The following VPS35L variants were observed in gnomAD, a reference collection of about 807,000 sequenced individuals.
VPS35L encodes the protein VPS35 endosomal protein sorting factor like, also known as VPS35 endosomal protein-sorting factor-like.
VPS35L carries 83 observed loss-of-function variants against 133.0 expected under a neutral mutation model. The ratio of observed to expected loss-of-function variants is 0.62; its 90% confidence interval spans 0.52 to 0.75. The LOEUF is 0.75. VPS35L is among the 30% of genes least tolerant of loss of function. The pLI, the probability that VPS35L is intolerant of heterozygous loss-of-function variation, is 0.00. For missense variants in VPS35L, 1,083 were observed against 1,206.8 expected (o/e 0.90, Z 1.52); for synonymous variants, 423 against 449.9 (o/e 0.94, Z 0.76).
At chr16:19,689,123 C>T (rs1199972736) in intron 28 of VPS35L, among the ~76,000 whole-genome samples, 2 of 150,498 alleles carry the variant, frequency 1.3e-5, no homozygotes, top group Non-Finnish European at 2.9e-5. Flanking sequence ...GGACTACAGG[C>T]GCGTGCCACC....
In VPS35L at chr16:19,639,952, C is replaced by T. The variant is rs2304618; in HGVS notation, c.1699-63C>T. On this transcript the variant is annotated intron_variant, in intron 20 of 30. Coordinates refer to ENST00000417362, the MANE Select transcript of VPS35L (RefSeq NM_020314.7). The surrounding 1 kb of genome is among the most constrained non-coding windows in gnomAD (Gnocchi z 4.1). The stretch of plus-strand genomic sequence containing the variant: ...TTTGAACTCCACAGAAAAAGAGACC[C>T]ACAGATTCCTTCCTTCCAATAACTT... 0.064 allele frequency: 90,125 copies of T among 1,413,934 alleles called. 4,515 individuals carry two copies. Among genetic ancestry groups the T allele is most frequent in the East Asian group, 0.26 (11,301 of 43,712 alleles). 87.6% of individuals were successfully genotyped at this position (1,413,934 alleles called of 1,614,324 possible).
intron 1 of VPS35L, among the ~76,000 whole-genome samples, chr16:19,559,294 C>G (rs1726406105): frequency 6.6e-6 from 1 of 152,114 alleles, no homozygotes; most frequent in Admixed American, 6.6e-5. Context: ...GTATTTCAGC[C>G]CGCCCAGGTG....
intron 29 of VPS35L, among the ~76,000 whole-genome samples, chr16:19,697,783 G>C (rs28415871): frequency 0.34 from 52,162 of 152,082 alleles, 13,965 homozygotes; most frequent in African/African-American, 0.75. Context: ...CCCTTTCTGA[G>C]TGCGATTCCT....
intron 29 of VPS35L, chr16:19,694,500 T>TTC (rs1975832574): frequency 6.6e-6 from 1 of 152,074 alleles, no homozygotes; most frequent in African/African-American, 2.4e-5. Flanking sequence ...TTTTTTTTTT[T>TTC]TCTTCCAGAG....
chr16:19,599,685 T>A (rs1359844834), intron 8 of VPS35L, among the ~76,000 whole-genome samples: 7 of 152,070 alleles, frequency 4.6e-5, no homozygotes, highest in Admixed American at 4.6e-4. Flanking sequence ...TCTTTTCCAG[T>A]AGCTCTAAGG....
Position 19,634,435 on chromosome 16 carries a change from A to C in VPS35L, c.1635+1263A>C, listed in dbSNP as rs796860269. ...ACGGTCTCAAAAAAAAAAAAAAAAA[A>C]CCCACTAATGTGAAATACCCATGTG... On this transcript the variant is annotated intron_variant, in intron 19 of 30. Transcript: ENST00000417362. Among the ~76,000 whole-genome samples the C allele has an allele frequency of 5.9e-4, 84 of 142,374 alleles. 1 individual carries two copies. In the East Asian group the frequency reaches 0.01, roughly 18 times the overall value. 93.4% of individuals were successfully genotyped at this position (142,374 alleles called of 152,430 possible).
At chr16:19,570,836 T>C (rs548494002) in intron 3 of VPS35L, among the ~76,000 whole-genome samples, 53 of 1,866 alleles carry the variant, frequency 0.028, no homozygotes, top group African/African-American at 0.27. Context: ...CTGTGTTTCA[T>C]ATATATATAT....
At chr16:19,637,768 C>T (rs1389096231) in intron 20 of VPS35L, 112 bp downstream of exon 20, 7 of 712,544 alleles carry the variant, frequency 9.8e-6, no homozygotes, top group South Asian at 2.3e-5. Context: ...TCAGCAGTTC[C>T]TTTTATAAAG....
chr16:19,698,136 T>C (rs1399153744), intron 29 of VPS35L, among the ~76,000 whole-genome samples: 2 of 152,172 alleles, frequency 1.3e-5, no homozygotes, highest in African/African-American at 4.8e-5. Context: ...CTGGCTGGGC[T>C]CTTATCAGGA....
intron 12 of VPS35L, among the ~76,000 whole-genome samples, chr16:19,613,967 T>C (rs956552120): frequency 6.6e-6 from 1 of 152,186 alleles, no homozygotes; most frequent in Non-Finnish European, 1.5e-5. Context: ...CAAGCAGATA[T>C]CCAAGCTGCT....
At chr16:19,645,024 G>GTTAAA (rs1313983541) in intron 23 of VPS35L, 75 bp downstream of exon 23, 2 of 1,041,842 alleles carry the variant, frequency 1.9e-6, no homozygotes, top group African/African-American at 3.2e-5. Context: ...GGCGAAAGCA[G>GTTAAA]TTAACATTAT....
At chr16:19,700,324 G>C (rs1237065945) in intron 30 of VPS35L, 54 bp from the exon 31 acceptor site, 12 of 1,483,838 alleles carry the variant, frequency 8.1e-6, no homozygotes, top group Non-Finnish European at 1.1e-5. Flanking sequence ...TTAGAGCCTT[G>C]GGCTCCAAGG....
At chr16:19,634,412 G>A (rs1157309962) in intron 19 of VPS35L, among the ~76,000 whole-genome samples, 16 of 127,422 alleles carry the variant, frequency 1.3e-4, no homozygotes, top group Non-Finnish European at 2.3e-4. Flanking sequence ...AGAGAGACAC[G>A]GTCTCAAAAA....
chr16:19,639,022 C>T lies in VPS35L; in HGVS notation c.1699-993C>T, dbSNP rs887890055. The stretch of plus-strand genomic sequence containing the variant: ...TGGGGAGGCTGAGGTTGCAGTGAAC[C>T]GAGATTGCACCAGGGCACTCGAGCC... On this transcript the variant is annotated intron_variant, in intron 20 of 30. Coordinates refer to ENST00000417362, the MANE Select transcript of VPS35L (RefSeq NM_020314.7). This position sits in a 1 kb window ranked among gnomAD's most constrained non-coding sequence, Gnocchi z 4.1. 1.3e-5 allele frequency among the ~76,000 whole-genome samples: 2 copies of T among 152,006 alleles called. No individual in the cohort carries two copies. Among genetic ancestry groups the T allele is most frequent in the Admixed American group, 1.3e-4 (2 of 15,262 alleles).
In VPS35L at chr16:19,639,537, T is replaced by C. The variant is rs890253312; in HGVS notation, c.1699-478T>C. On this transcript the variant is annotated intron_variant, in intron 20 of 30. Transcript: ENST00000417362. The surrounding 1 kb of genome is among the most constrained non-coding windows in gnomAD (Gnocchi z 4.1). ...AACAGCTTTTTATTTTGTTTGTTTG[T>C]TTATTTTTGAGATAGAGTCTTGCTC... Among the ~76,000 whole-genome samples the C allele has an allele frequency of 6.6e-6, 1 of 152,198 alleles. No homozygotes were observed. Among genetic ancestry groups the C allele is most frequent in the African/African-American group, 2.4e-5 (1 of 41,444 alleles).
intron 18 of VPS35L, among the ~76,000 whole-genome samples, chr16:19,630,957 C>A (rs1459713515): frequency 2.0e-5 from 3 of 152,020 alleles, no homozygotes; most frequent in Non-Finnish European, 2.9e-5. Flanking sequence ...TGCAGTGAGC[C>A]AAGATTGCAC....
chr16:19,632,334 A>C (rs1350662609), intron 18 of VPS35L, among the ~76,000 whole-genome samples: 1 of 151,594 alleles, frequency 6.6e-6, no homozygotes, highest in African/African-American at 2.4e-5. Context: ...ATTTTTTTTA[A>C]GTTTATTTGT....
Position 19,691,491 on chromosome 16 carries a change from C to T in VPS35L, c.2646+20C>T. On this transcript the variant is annotated intron_variant, in intron 29 of 30. Coordinates refer to ENST00000417362, the MANE Select transcript of VPS35L (RefSeq NM_020314.7). ...GACGAGGTGGGTGCCCTCTGCTGTC[C>T]TCCACCCGCCCCTTGCTCTGAAAGC... The T allele has an allele frequency of 6.3e-7, 1 of 1,574,882 alleles. No individual in the cohort carries two copies. The highest frequency in any genetic ancestry group is 8.7e-7 in the Non-Finnish European group (1 of 1,144,494).
At chr16:19,645,391 G>A (rs577574199) in intron 23 of VPS35L, among the ~76,000 whole-genome samples, 3 of 151,038 alleles carry the variant, frequency 2.0e-5, no homozygotes, top group African/African-American at 7.3e-5. Context: ...CCGGGTTCAC[G>A]CCATTCTCCT....
Sources: allele counts gnomAD v4.1 joint callset (sites outside exome capture counted in the v4.1 genomes callset), GRCh38; gene constraint gnomAD v4.1.1; non-coding constraint Gnocchi (gnomAD v3.1); transcripts MANE v1.5; gene names NCBI Gene and HGNC (gene_info 2026-07-23, HGNC 2026-07-21).